KCNQ3: variants seen among roughly 807,000 people sequenced by gnomAD.
KCNQ3 encodes potassium voltage-gated channel subfamily KQT member 3.
A neutral mutation model predicts 92.5 loss-of-function variants in KCNQ3; 30 were observed. The observed-to-expected ratio is 0.32, with a 90% CI of 0.24 to 0.44. The LOEUF (loss-of-function observed/expected upper bound fraction) is 0.44, where lower values mean the gene tolerates loss of function less well. KCNQ3 is among the 20% of genes least tolerant of loss of function. KCNQ3 has a pLI of 1.00. For missense variants in KCNQ3, 913 were observed against 1,140.3 expected, an observed-to-expected ratio of 0.80 and a Z score of 2.87; for synonymous variants, 450 against 468.8, an observed-to-expected ratio of 0.96 and a Z score of 0.52.
At chr8:132,291,289 A>G (rs1014551517) in intron 1 of KCNQ3, among the ~76,000 whole-genome samples, 2 of 152,150 alleles carry the variant, frequency 1.3e-5, no homozygotes, top group Non-Finnish European at 1.5e-5. Flanking sequence ...TCCCTTTTGG[A>G]TACTGACAGA....
intron 1 of KCNQ3, among the ~76,000 whole-genome samples, chr8:132,239,666 A>G (rs1232840071): frequency 6.6e-6 from 1 of 152,210 alleles, no homozygotes; most frequent in Non-Finnish European, 1.5e-5. Context: ...TTTAAGACAC[A>G]CTTGCATGAT....
At chr8:132,300,773 C>A (rs964679709) in intron 1 of KCNQ3, among the ~76,000 whole-genome samples, 3 of 152,300 alleles carry the variant, frequency 2.0e-5, no homozygotes, top group East Asian at 1.9e-4. Flanking sequence ...AGGGACTCCA[C>A]CTGCCCAACT....
At chr8:132,155,172 C>T (rs747127331) in intron 9 of KCNQ3, among the ~76,000 whole-genome samples, 3 of 152,212 alleles carry the variant, frequency 2.0e-5, no homozygotes, top group Non-Finnish European at 4.4e-5. Flanking sequence ...GCTGACACAT[C>T]TGCTCCTCCC....
intron 9 of KCNQ3, among the ~76,000 whole-genome samples, chr8:132,146,633 A>T (rs1484669779): frequency 2.7e-5 from 4 of 150,438 alleles, no homozygotes; most frequent in Non-Finnish European, 4.4e-5. Context: ...ACACTCTGTC[A>T]TCCAGGCTGG....
chr8:132,419,601 G>C (rs1026057207), intron 1 of KCNQ3, among the ~76,000 whole-genome samples: 1 of 152,158 alleles, frequency 6.6e-6, no homozygotes, highest in Non-Finnish European at 1.5e-5. Flanking sequence ...CACTGAAGCT[G>C]CCTGTGCCCT....
chr8:132,430,638 T>G (rs1317522937), intron 1 of KCNQ3, among the ~76,000 whole-genome samples: 1 of 152,238 alleles, frequency 6.6e-6, no homozygotes, highest in Non-Finnish European at 1.5e-5. Context: ...GATGAACTTC[T>G]GCAGCAGTGA....
At chr8:132,218,511 T>C (rs930489482) in intron 1 of KCNQ3, among the ~76,000 whole-genome samples, 2 of 152,144 alleles carry the variant, frequency 1.3e-5, no homozygotes, top group African/African-American at 4.8e-5. Flanking sequence ...AAGGGAGAGA[T>C]GGAGATTTAT....
chr8:132,230,809 A>G (rs1420602849), intron 1 of KCNQ3, among the ~76,000 whole-genome samples: 1 of 152,152 alleles, frequency 6.6e-6, no homozygotes, highest in Non-Finnish European at 1.5e-5. Flanking sequence ...CTGTCCAAAG[A>G]ATTACATCCA....
intron 1 of KCNQ3, among the ~76,000 whole-genome samples, chr8:132,340,832 TA>T (rs1311581200): frequency 6.6e-6 from 1 of 152,222 alleles, no homozygotes; most frequent in Non-Finnish European, 1.5e-5. Context: ...GCCTAGATTT[TA>T]AGTAGTAAAA....
At position 132,128,501 on chromosome 8, in the gene KCNQ3, T is replaced by TTGTGTGTG. The variant is rs886062682; in HGVS notation, c.*760_*761insCACACACA. ...ACATAAATTGGAAACTATTTTAACT[T>TTGTGTGTG]TGTGTATGTGTGTGTGTGTGTGTGT... On this transcript the variant is annotated 3_prime_UTR_variant, in exon 15 of 15. Coordinates refer to ENST00000388996, the MANE Select transcript of KCNQ3 (RefSeq NM_004519.4). The TTGTGTGTG allele has an allele frequency of 3.9e-4, 46 of 116,934 alleles. No homozygotes were observed. Among genetic ancestry groups the TTGTGTGTG allele is most frequent in the African/African-American group, 1.4e-3 (45 of 31,710 alleles). The allele number at this position is 116,934 out of a possible 1,614,324, so 7.2% of individuals were successfully genotyped here. A position where few individuals can be genotyped will look rare whatever the true frequency, so the allele number is the denominator to read the frequency against.
chr8:132,417,068 C>T (rs1820825724), intron 1 of KCNQ3, among the ~76,000 whole-genome samples: 1 of 152,172 alleles, frequency 6.6e-6, no homozygotes, highest in Non-Finnish European at 1.5e-5. Context: ...AGAAACTGAG[C>T]AGAACAAATC....
At chr8:132,440,957 T>C (rs1821521105) in intron 1 of KCNQ3, among the ~76,000 whole-genome samples, 1 of 152,210 alleles carries the variant, frequency 6.6e-6, no homozygotes, top group Admixed American at 6.5e-5. Context: ...CCTGTTAAGG[T>C]TTAGGGCCTG....
chr8:132,398,665 AAGAC>A (rs1418750691), intron 1 of KCNQ3, among the ~76,000 whole-genome samples: 1 of 152,238 alleles, frequency 6.6e-6, no homozygotes, highest in African/African-American at 2.4e-5. Flanking sequence ...TGGAAACAGA[AAGAC>A]AGGCAGAAAT....
At chr8:132,159,509 G>A (rs1392060670) in intron 9 of KCNQ3, among the ~76,000 whole-genome samples, 4 of 152,122 alleles carry the variant, frequency 2.6e-5, no homozygotes, top group Non-Finnish European at 4.4e-5. Flanking sequence ...ACTCAAACTG[G>A]GTCAATCTGA....
chr8:132,220,904 T>C lies in KCNQ3; in HGVS notation c.387-34723A>G, dbSNP rs181879107. ...ATAGGTATACATGTGCCATGTTGTG[T>C]TTGCTGCACCCATTAACTCATCATT... On this transcript the variant is annotated intron_variant, in intron 1 of 14. Transcript: ENST00000388996. Among the ~76,000 whole-genome samples, 318 of 152,234 alleles carry C rather than the reference T, an allele frequency of 2.1e-3. 1 individual carries two copies. The highest frequency in any genetic ancestry group is 1.1e-3 in the Non-Finnish European group (77 of 68,022).
At chr8:132,192,936 AGT>A (rs1341135615) in intron 1 of KCNQ3, among the ~76,000 whole-genome samples, 2 of 152,164 alleles carry the variant, frequency 1.3e-5, no homozygotes, top group Non-Finnish European at 2.9e-5. Flanking sequence ...TGTGAGCCAC[AGT>A]GCCCGGTCTT....
At chr8:132,370,398 G>A (rs1237887845) in intron 1 of KCNQ3, among the ~76,000 whole-genome samples, 3 of 152,230 alleles carry the variant, frequency 2.0e-5, no homozygotes, top group Non-Finnish European at 4.4e-5. Context: ...AGGGTATCCT[G>A]TAATGTCCTC....
chr8:132,324,438 A>C (rs930880938), intron 1 of KCNQ3, among the ~76,000 whole-genome samples: 1 of 152,230 alleles, frequency 6.6e-6, no homozygotes, highest in Non-Finnish European at 1.5e-5. Flanking sequence ...GTGAATAAAC[A>C]AATGGGCGAA....
intron 4 of KCNQ3, among the ~76,000 whole-genome samples, chr8:132,178,735 G>A (rs1394747755): frequency 4.0e-5 from 6 of 151,806 alleles, no homozygotes; most frequent in Admixed American, 2.0e-4. Context: ...AGAGAACCAG[G>A]GGTTGTGAAG....
Sources: gnomAD v4.1 joint callset for allele counts (sites outside exome capture counted in the v4.1 genomes callset) on GRCh38, gnomAD v4.1.1 for gene constraint, MANE v1.5 for transcripts, NCBI Gene and HGNC (gene_info 2026-07-23, HGNC 2026-07-21) for gene names.